The following PARN variants were observed in gnomAD, a reference collection of about 807,000 sequenced individuals.
PARN encodes poly(A)-specific ribonuclease PARN.
In PARN, 71 loss-of-function variants were observed where a neutral mutation model predicts 102.8. The observed-to-expected ratio is 0.69, with a 90% CI of 0.57 to 0.84. The LOEUF (loss-of-function observed/expected upper bound fraction) is 0.84. Among genes scored for constraint, PARN ranks in the 40% least tolerant of loss-of-function variants. PARN has a pLI of 0.00. For synonymous variants in PARN, 261 were observed against 252.9 expected, an observed-to-expected ratio of 1.03 and a Z score of -0.30; for missense variants, 782 against 760.9, an observed-to-expected ratio of 1.03 and a Z score of -0.33.
intron 21 of PARN, among the ~76,000 whole-genome samples, chr16:14,502,275 T>C (rs1307993273): frequency 1.3e-5 from 2 of 152,216 alleles, no homozygotes; most frequent in African/African-American, 4.8e-5. Flanking sequence ...TGAAACTTCT[T>C]TCTTCACACT....
chr16:14,588,437 T>C (rs1301990023), intron 13 of PARN, among the ~76,000 whole-genome samples: 1 of 152,194 alleles, frequency 6.6e-6, no homozygotes, highest in African/African-American at 2.4e-5. Flanking sequence ...ATCAGAAGAT[T>C]ACAAAACTGG....
At position 14,618,669 on chromosome 16, in the gene PARN, A is replaced by C. The variant is rs568395912; in HGVS notation, c.328-1019T>G. 3.3e-5 allele frequency among the ~76,000 whole-genome samples: 5 copies of C among 152,032 alleles called. No individual in the cohort carries two copies. In the South Asian group the frequency reaches 1.0e-3, roughly 32 times the overall value. The stretch of plus-strand genomic sequence containing the variant: ...GCAAGACTGTCTCAAAAAAAAAAAA[A>C]AAAAATATTCCACTGGGCGAACGGA... On this transcript the variant is annotated intron_variant, in intron 5 of 23. Coordinates refer to ENST00000437198, the MANE Select transcript of PARN (RefSeq NM_002582.4).
intron 13 of PARN, among the ~76,000 whole-genome samples, chr16:14,589,221 A>G (rs773722170): frequency 1.3e-5 from 2 of 151,830 alleles, no homozygotes; most frequent in Non-Finnish European, 2.9e-5. Flanking sequence ...ATAAAGGTCA[A>G]AAAGTCAAGA....
rs567016210 is a variant in PARN at position 14,622,418 on chromosome 16, T to G, written c.327+4688A>C. The stretch of plus-strand genomic sequence containing the variant: ...AAGCCTCCAAATTTCAATTAACTGA[T>G]CAAACAAATTATACGTATCCATACT... On this transcript the variant is annotated intron_variant, in intron 5 of 23. Coordinates refer to ENST00000437198, the MANE Select transcript of PARN (RefSeq NM_002582.4). Among the ~76,000 whole-genome samples, 9 of 152,346 alleles carry G rather than the reference T, an allele frequency of 5.9e-5. No homozygotes were observed. In the East Asian group the frequency reaches 1.7e-3, roughly 29 times the overall value.
At chr16:14,608,941 T>G in intron 8 of PARN, 117 bp downstream of exon 8, 1 of 641,498 alleles carries the variant, frequency 1.6e-6, no homozygotes. Context: ...CTTGAGAACA[T>G]AGCAATAATA....
At chr16:14,600,341 T>C (rs567170146) in intron 11 of PARN, among the ~76,000 whole-genome samples, 25 of 152,342 alleles carry the variant, frequency 1.6e-4, no homozygotes, top group Middle Eastern at 3.4e-3. Context: ...GAAACCCATC[T>C]GGCAGTTAAC....
At chr16:14,585,907 C>G (rs1328892973) in intron 14 of PARN, among the ~76,000 whole-genome samples, 1 of 151,216 alleles carries the variant, frequency 6.6e-6, no homozygotes. Flanking sequence ...AAGTTCCAAG[C>G]TTATATGAAC....
At chr16:14,524,937 G>A (rs931948986) in intron 21 of PARN, among the ~76,000 whole-genome samples, 5 of 152,064 alleles carry the variant, frequency 3.3e-5, no homozygotes, top group African/African-American at 1.2e-4. Context: ...GTCCAACCCA[G>A]CATATCTAAT....
intron 22 of PARN, among the ~76,000 whole-genome samples, chr16:14,476,771 G>T (rs1963075068): frequency 6.6e-6 from 1 of 152,214 alleles, no homozygotes; most frequent in Non-Finnish European, 1.5e-5. Context: ...GCCGGATTTG[G>T]TTTGAGAGCT....
At chr16:14,623,597 A>C (rs1166641701) in intron 5 of PARN, among the ~76,000 whole-genome samples, 2 of 152,018 alleles carry the variant, frequency 1.3e-5, no homozygotes, top group Admixed American at 1.3e-4. Context: ...AGCACACTGG[A>C]AGGCCAAGGC....
chr16:14,480,318 ACT>A (rs1219941701), intron 22 of PARN, among the ~76,000 whole-genome samples: 2 of 152,152 alleles, frequency 1.3e-5, no homozygotes, highest in African/African-American at 4.8e-5. Context: ...ACAAAGCAAG[ACT>A]CTGTCTCAAA....
chr16:14,554,510 A>C (rs1005877583), intron 19 of PARN, among the ~76,000 whole-genome samples: 2 of 151,782 alleles, frequency 1.3e-5, no homozygotes, highest in Non-Finnish European at 2.9e-5. Flanking sequence ...AGCTCACTGC[A>C]GCCTCAAACT....
At chr16:14,450,999 A>C (rs558662086) in intron 22 of PARN, among the ~76,000 whole-genome samples, 1 of 152,154 alleles carries the variant, frequency 6.6e-6, no homozygotes, top group Admixed American at 6.5e-5. Context: ...CTATAAACCT[A>C]AATTTAAACT....
At chr16:14,627,593 C>G (rs1487159008) in intron 3 of PARN, among the ~76,000 whole-genome samples, 1 of 152,164 alleles carries the variant, frequency 6.6e-6, no homozygotes, top group Non-Finnish European at 1.5e-5. Context: ...AAAATAACTG[C>G]CTCATATTTC....
intron 6 of PARN, among the ~76,000 whole-genome samples, chr16:14,615,316 A>C (rs1218817793): frequency 6.6e-6 from 1 of 152,088 alleles, no homozygotes; most frequent in Non-Finnish European, 1.5e-5. Context: ...AAAAAAAAAA[A>C]AACAAGTTAG....
chr16:14,523,607 A>G (rs575230207), intron 21 of PARN, among the ~76,000 whole-genome samples: 1 of 152,354 alleles, frequency 6.6e-6, no homozygotes, highest in Non-Finnish European at 1.5e-5. Flanking sequence ...TTAATACTGT[A>G]CATACGTAGA....
chr16:14,501,300 T>C lies in PARN; in HGVS notation c.1481-18473A>G, dbSNP rs61023496. Among the ~76,000 whole-genome samples the C allele has an allele frequency of 1.6e-4, 16 of 100,070 alleles. No individual in the cohort carries two copies. In the East Asian group the frequency reaches 2.6e-3, roughly 16 times the overall value. The allele number at this position is 100,070 out of a possible 152,430, so 65.6% of individuals were successfully genotyped here. A position where few individuals can be genotyped will look rare whatever the true frequency, so the allele number is the denominator to read the frequency against. On this transcript the variant is annotated intron_variant, in intron 21 of 23. Coordinates refer to ENST00000437198, the MANE Select transcript of PARN (RefSeq NM_002582.4). ...CAAAAAACAAACAAAAAAACAATAATAATAATAATAATAATAATAATAATT... is the reference window on the plus strand; with the variant it reads ...CAAAAAACAAACAAAAAAACAATAACAATAATAATAATAATAATAATAATT...
At chr16:14,599,799 G>T in intron 12 of PARN, 105 bp downstream of exon 12, 1 of 688,220 alleles carries the variant, frequency 1.5e-6, no homozygotes, top group East Asian at 2.7e-5. Context: ...AATGTTCTAG[G>T]TAAACATTCT....
At chr16:14,536,999 G>A (rs1966636891) in intron 21 of PARN, among the ~76,000 whole-genome samples, 4 of 152,068 alleles carry the variant, frequency 2.6e-5, no homozygotes, top group Admixed American at 2.6e-4. Context: ...TCAACAGAAT[G>A]AAAAACAACC....
Sources: allele counts gnomAD v4.1 joint callset (sites outside exome capture counted in the v4.1 genomes callset), GRCh38; gene constraint gnomAD v4.1.1; transcripts MANE v1.5; gene names NCBI Gene and HGNC (gene_info 2026-07-23, HGNC 2026-07-21).